The following TMPRSS12 variants were observed in gnomAD, a reference collection of about 807,000 sequenced individuals.
TMPRSS12 encodes the protein transmembrane protease serine 12.
TMPRSS12 carries 25 observed loss-of-function variants against 26.0 expected under a neutral mutation model. The observed-to-expected ratio is 0.96, with a 90% CI of 0.70 to 1.34. The LOEUF (loss-of-function observed/expected upper bound fraction) is 1.34, where lower values mean the gene tolerates loss of function less well. Ranked by LOEUF, TMPRSS12 falls within the 40% of genes most tolerant of loss-of-function variation. The pLI, the probability that TMPRSS12 is intolerant of heterozygous loss-of-function variation, is 0.00. For missense variants in TMPRSS12, 441 were observed against 440.1 expected (o/e 1.00, Z -0.02); for synonymous variants, 150 against 161.7 (o/e 0.93, Z 0.55).
At chr12:50,879,461 T>C (rs1168307271) in intron 3 of TMPRSS12, among the ~76,000 whole-genome samples, 1 of 152,240 alleles carries the variant, frequency 6.6e-6, no homozygotes, top group East Asian at 1.9e-4. Flanking sequence ...AATGCTAATT[T>C]GACATATTAT....
At chr12:50,866,803 G>A (rs913260728) in intron 3 of TMPRSS12, among the ~76,000 whole-genome samples, 5 of 152,240 alleles carry the variant, frequency 3.3e-5, no homozygotes, top group Admixed American at 2.6e-4. Context: ...TTCACATCAC[G>A]GGACTCTGTG....
At chr12:50,861,133 G>A (rs1217528564) in intron 3 of TMPRSS12, among the ~76,000 whole-genome samples, 4 of 152,186 alleles carry the variant, frequency 2.6e-5, no homozygotes, top group Non-Finnish European at 5.9e-5. Context: ...TAACAGACCA[G>A]TAATTGAGAA....
Position 50,858,742 on chromosome 12 carries a change from T to G in TMPRSS12, c.384-43T>G, listed in dbSNP as rs761831390. 8.6e-6 allele frequency: 12 copies of G among 1,398,442 alleles called. No homozygotes were observed. In the East Asian group the frequency reaches 2.6e-4, roughly 30 times the overall value. The allele number at this position is 1,398,442 out of a possible 1,614,324, so 86.6% of individuals were successfully genotyped here. Reference sequence around the variant, plus strand: ...TGGGAGATTAAGAATATGTACTTAGTTAATTAAAGATATTTATAATAAGAA... The same window carrying G: ...TGGGAGATTAAGAATATGTACTTAGGTAATTAAAGATATTTATAATAAGAA... On this transcript the variant is annotated intron_variant, in intron 2 of 4. Transcript: ENST00000398458.
chr12:50,855,819 T>C (rs1937871549), intron 2 of TMPRSS12, among the ~76,000 whole-genome samples: 1 of 152,308 alleles, frequency 6.6e-6, no homozygotes, highest in East Asian at 1.9e-4. Flanking sequence ...TGCTCATCAA[T>C]GATGGACTGG....
chr12:50,843,773 AT>A, intron 1 of TMPRSS12, 68 bp from the exon 2 acceptor site: 2 of 1,437,332 alleles, frequency 1.4e-6, no homozygotes, highest in Non-Finnish European at 1.9e-6. Flanking sequence ...TTGCATTAAT[AT>A]GTTCAGCTTA....
At chr12:50,843,555 G>A (rs914567521) in intron 1 of TMPRSS12, among the ~76,000 whole-genome samples, 2 of 152,078 alleles carry the variant, frequency 1.3e-5, no homozygotes, top group Non-Finnish European at 2.9e-5. Context: ...TTTCACACAG[G>A]GAAGAATGTG....
intron 3 of TMPRSS12, among the ~76,000 whole-genome samples, chr12:50,867,564 G>A (rs574693047): frequency 8.5e-5 from 13 of 152,248 alleles, no homozygotes; most frequent in East Asian, 7.7e-4. Flanking sequence ...GGGAATAATC[G>A]AGGAAAACTT....
rs755081902 is a variant in TMPRSS12, at chr12:50,858,931, TAAA to T, written c.535_537del (p.Lys179del). 1 of 1,587,978 alleles carries T rather than the reference TAAA, an allele frequency of 6.3e-7. No homozygotes were observed. The highest frequency in any genetic ancestry group is 1.1e-5 in the South Asian group (1 of 87,584). Reference sequence around the variant, plus strand: ...GTAAATGATATTGCACTTTTTCACTTAAAAAAAGCAGTGAGGTATAATGACTAT... The same window carrying T: ...GTAAATGATATTGCACTTTTTCACTTAAAAGCAGTGAGGTATAATGACTAT... On this transcript the variant is annotated inframe_deletion, in exon 3 of 5. Coordinates refer to ENST00000398458, the MANE Select transcript of TMPRSS12 (RefSeq NM_182559.3).
chr12:50,880,409 T>C (rs1938152009), intron 3 of TMPRSS12, among the ~76,000 whole-genome samples: 2 of 152,156 alleles, frequency 1.3e-5, no homozygotes, highest in Admixed American at 1.3e-4. Context: ...TTTATGTTAA[T>C]ATCCTTGAAA....
At chr12:50,861,575 C>T (rs1212977286) in intron 3 of TMPRSS12, among the ~76,000 whole-genome samples, 3 of 152,052 alleles carry the variant, frequency 2.0e-5, no homozygotes, top group Non-Finnish European at 4.4e-5. Context: ...ATAATAGAAG[C>T]AACTACCGTT....
chr12:50,871,160 C>A (rs549107247), intron 3 of TMPRSS12, among the ~76,000 whole-genome samples: 37 of 152,170 alleles, frequency 2.4e-4, no homozygotes, highest in African/African-American at 8.9e-4. Context: ...GCAAAAAGAA[C>A]AAATCTAGAG....
intron 2 of TMPRSS12, among the ~76,000 whole-genome samples, chr12:50,850,033 C>G (rs1445274662): frequency 6.6e-6 from 1 of 152,190 alleles, no homozygotes; most frequent in East Asian, 1.9e-4. Flanking sequence ...TTTCACTTAG[C>G]ATAATGCATT....
intron 2 of TMPRSS12, among the ~76,000 whole-genome samples, chr12:50,844,528 C>T (rs999662566): frequency 2.0e-5 from 3 of 152,068 alleles, no homozygotes; most frequent in African/African-American, 7.2e-5. Flanking sequence ...TGCCTGCCAT[C>T]ATGTCCAGCT....
At chr12:50,876,322 T>C (rs1206137492) in intron 3 of TMPRSS12, among the ~76,000 whole-genome samples, 1 of 152,216 alleles carries the variant, frequency 6.6e-6, no homozygotes, top group African/African-American at 2.4e-5. Flanking sequence ...TCAGCTTCTG[T>C]GGAAAGCAGT....
Position 50,885,266 on chromosome 12 carries a change from C to T in TMPRSS12, c.673C>T (p.Gln225Ter). The T allele has an allele frequency of 6.3e-7, 1 of 1,596,354 alleles. No individual in the cohort carries two copies. The highest frequency in any genetic ancestry group is 8.5e-7 in the Non-Finnish European group (1 of 1,172,978). Residue 225 changes from glutamine (Q) to a stop codon, truncating the protein, a stop_gained, in exon 4 of 5, where the codon CAA (glutamine) becomes TAA (stop). Transcript: ENST00000398458. LOFTEE classifies it high-confidence loss of function. The part of the protein sequence containing the change: ...KEEGNATNIL[Q>*]DAEVHYISRE... ...AACAGGTAACGCTACAAATATTTTA[C>T]AAGATGCAGAAGTGCATTATATTTC...
At chr12:50,849,570 G>T (rs1937805545) in intron 2 of TMPRSS12, among the ~76,000 whole-genome samples, 1 of 152,002 alleles carries the variant, frequency 6.6e-6, no homozygotes, top group Admixed American at 6.6e-5. Context: ...GGCAGCCATT[G>T]ATCTGTTGTC....
At chr12:50,863,606 G>A (rs903128866) in intron 3 of TMPRSS12, among the ~76,000 whole-genome samples, 10 of 152,196 alleles carry the variant, frequency 6.6e-5, no homozygotes, top group African/African-American at 2.2e-4. Context: ...AGGTATGAAC[G>A]ATTGATAGAT....
intron 3 of TMPRSS12, among the ~76,000 whole-genome samples, chr12:50,865,151 G>A (rs942150640): frequency 1.2e-4 from 19 of 152,192 alleles, no homozygotes; most frequent in Admixed American, 3.3e-4. Flanking sequence ...AGCCAACATG[G>A]TGAAACCCCC....
At chr12:50,875,239 C>T (rs1018350147) in intron 3 of TMPRSS12, among the ~76,000 whole-genome samples, 1 of 152,062 alleles carries the variant, frequency 6.6e-6, no homozygotes, top group African/African-American at 2.4e-5. Context: ...CCTATAATCT[C>T]AGCACTTTGG....
Sources: allele counts gnomAD v4.1 joint callset (sites outside exome capture counted in the v4.1 genomes callset), GRCh38; gene constraint gnomAD v4.1.1; transcripts MANE v1.5; gene names NCBI Gene and HGNC (gene_info 2026-07-23, HGNC 2026-07-21).